REC114: variants seen among roughly 807,000 people sequenced by gnomAD.
REC114 encodes the protein REC114 meiotic recombination protein.
In REC114, 27 loss-of-function variants were observed where a neutral mutation model predicts 31.3. The observed-to-expected ratio is 0.86, with a 90% CI of 0.64 to 1.19. The LOEUF is 1.19. REC114 is among the 50% of genes most tolerant of loss of function. The probability of loss-of-function intolerance (pLI) is 0.00; values close to 1 mark genes in which losing one functional copy is unlikely to be tolerated. For synonymous variants in REC114, 134 were observed against 127.7 expected, an observed-to-expected ratio of 1.05 and a Z score of -0.33; for missense variants, 344 against 326.9, an observed-to-expected ratio of 1.05 and a Z score of -0.40.
At chr15:73,498,372 T>C (rs1238102338) in intron 2 of REC114, among the ~76,000 whole-genome samples, 4 of 152,176 alleles carry the variant, frequency 2.6e-5, no homozygotes, top group African/African-American at 9.7e-5. Flanking sequence ...GGGGTGTGTG[T>C]GTGTGTGTTT....
At chr15:73,541,605 G>GGGATCTGGAGCACACACTCCAAAA (rs1894237714) in intron 3 of REC114, among the ~76,000 whole-genome samples, 1 of 152,168 alleles carries the variant, frequency 6.6e-6, no homozygotes, top group South Asian at 2.1e-4. Context: ...GATTGCCACA[G>GGGATCTGGAGCACACACTCCAAAA]GGATCTGGAG....
Position 73,465,874 on chromosome 15 carries a change from C to T in REC114, c.160-7958C>T, listed in dbSNP as rs192110624. Among the ~76,000 whole-genome samples the T allele has an allele frequency of 2.5e-3, 380 of 152,180 alleles. 3 individuals carry two copies. The highest frequency in any genetic ancestry group is 5.8e-3 in the Admixed American group (88 of 15,276). ...TGTGTTATTTTATTTTATTTTGAGA[C>T]GGAGTCTCGCTCTGTCACCCAGGCT... On this transcript the variant is annotated intron_variant, in intron 1 of 5. Transcript: ENST00000331090.
chr15:73,548,984 A>T (rs544200582), intron 3 of REC114, among the ~76,000 whole-genome samples: 3 of 152,328 alleles, frequency 2.0e-5, no homozygotes, highest in African/African-American at 7.2e-5. Flanking sequence ...TGATGAGAAC[A>T]CATGAATACA....
At chr15:73,506,116 A>C (rs1893672708) in intron 2 of REC114, among the ~76,000 whole-genome samples, 1 of 152,136 alleles carries the variant, frequency 6.6e-6, no homozygotes, top group Non-Finnish European at 1.5e-5. Context: ...ATAAAATGTT[A>C]TTATTACTTA....
At chr15:73,529,149 T>A (rs1301069179) in intron 2 of REC114, among the ~76,000 whole-genome samples, 2 of 151,584 alleles carry the variant, frequency 1.3e-5, no homozygotes, top group African/African-American at 2.4e-5. Flanking sequence ...TTTTATTTTT[T>A]TTTTTGGAGA....
At chr15:73,551,413 T>C (rs1323926317) in intron 4 of REC114, among the ~76,000 whole-genome samples, 1 of 152,164 alleles carries the variant, frequency 6.6e-6, no homozygotes, top group African/African-American at 2.4e-5. Flanking sequence ...TCCCTAGGAC[T>C]CTTCCAGGGG....
intron 2 of REC114, among the ~76,000 whole-genome samples, chr15:73,511,151 T>C (rs1013879882): frequency 2.0e-5 from 3 of 152,302 alleles, no homozygotes; most frequent in Non-Finnish European, 4.4e-5. Flanking sequence ...GAGATTCAAC[T>C]TCTTCCTGGT....
At chr15:73,522,339 C>G (rs1289837328) in intron 2 of REC114, among the ~76,000 whole-genome samples, 1 of 152,280 alleles carries the variant, frequency 6.6e-6, no homozygotes, top group South Asian at 2.1e-4. Flanking sequence ...CTTTCCTCCC[C>G]CTTTTTCCAT....
At chr15:73,529,008 A>C (rs1894041136) in intron 2 of REC114, among the ~76,000 whole-genome samples, 1 of 152,244 alleles carries the variant, frequency 6.6e-6, no homozygotes, top group African/African-American at 2.4e-5. Context: ...CAAGATCATC[A>C]GGAAAATGTG....
At chr15:73,481,987 C>G (rs188260435) in intron 2 of REC114, among the ~76,000 whole-genome samples, 1 of 152,182 alleles carries the variant, frequency 6.6e-6, no homozygotes, top group East Asian at 1.9e-4. Flanking sequence ...GTGTACATGT[C>G]ATTGACATTA....
intron 3 of REC114, among the ~76,000 whole-genome samples, chr15:73,546,769 G>T (rs1212675995): frequency 6.8e-6 from 1 of 146,812 alleles, no homozygotes; most frequent in Non-Finnish European, 1.5e-5. Flanking sequence ...AGCCGAGATT[G>T]TGTCATTGCA....
intron 2 of REC114, among the ~76,000 whole-genome samples, chr15:73,533,461 G>A (rs1200222663): frequency 7.1e-6 from 1 of 141,440 alleles, no homozygotes; most frequent in African/African-American, 2.9e-5. Flanking sequence ...TAATGGTAAA[G>A]AGATCAATTC....
At chr15:73,553,657 T>G (rs761669011) in intron 4 of REC114, among the ~76,000 whole-genome samples, 7 of 152,212 alleles carry the variant, frequency 4.6e-5, no homozygotes, top group Non-Finnish European at 8.8e-5. Flanking sequence ...AGTTGTAACA[T>G]GCAGTAACAA....
rs138587021 is a variant in REC114, at chr15:73,469,636, C to T, written c.160-4196C>T. ...GTAGAGATCAAGTCTTGCCATGTTG[C>T]CCAGGCTGATCTCAAATTCCTGGCC... is the stretch of plus-strand genomic sequence containing the variant. On this transcript the variant is annotated intron_variant, in intron 1 of 5. Coordinates refer to ENST00000331090, the MANE Select transcript of REC114 (RefSeq NM_001042367.2). Among the ~76,000 whole-genome samples, 1,009 of 150,928 alleles carry T rather than the reference C, an allele frequency of 6.7e-3. 11 individuals carry two copies. The highest frequency in any genetic ancestry group is 0.023 in the African/African-American group (937 of 41,100).
At chr15:73,558,171 C>G (rs1411609198) in intron 5 of REC114, among the ~76,000 whole-genome samples, 1 of 152,116 alleles carries the variant, frequency 6.6e-6, no homozygotes, top group East Asian at 1.9e-4. Flanking sequence ...TATTGAGACC[C>G]CCATCTCTAA....
intron 1 of REC114, among the ~76,000 whole-genome samples, chr15:73,447,571 C>T (rs2151249729): frequency 6.6e-6 from 1 of 151,980 alleles, no homozygotes; most frequent in African/African-American, 2.4e-5. Context: ...TCCCTTGAGC[C>T]TAGGAGACAG....
At chr15:73,443,390 A>G (rs1207136084) in intron 1 of REC114, 46 bp downstream of exon 1, 8 of 1,519,366 alleles carry the variant, frequency 5.3e-6, no homozygotes, top group Non-Finnish European at 6.2e-6. Context: ...CACAGCCCTC[A>G]GGAGGGGAGG....
intron 1 of REC114, among the ~76,000 whole-genome samples, chr15:73,457,122 C>G (rs1175157520): frequency 6.8e-5 from 6 of 88,522 alleles, no homozygotes; most frequent in Non-Finnish European, 2.2e-5. Flanking sequence ...TTGATCCTTT[C>G]AAGTTTTGCT....
chr15:73,528,038 T>G (rs912514758), intron 2 of REC114, among the ~76,000 whole-genome samples: 1 of 152,174 alleles, frequency 6.6e-6, no homozygotes, highest in Non-Finnish European at 1.5e-5. Flanking sequence ...ATATTTAAAT[T>G]TGTAAGTTTC....
Sources: gnomAD v4.1 joint callset for allele counts (sites outside exome capture counted in the v4.1 genomes callset) on GRCh38, gnomAD v4.1.1 for gene constraint, MANE v1.5 for transcripts, NCBI Gene and HGNC (gene_info 2026-07-23, HGNC 2026-07-21) for gene names.